FAM110A: variants seen among roughly 807,000 people sequenced by gnomAD.
FAM110A encodes the protein family with sequence similarity 110 member A.
A neutral mutation model predicts 4.0 loss-of-function variants in FAM110A; 1 was observed. The ratio of observed to expected loss-of-function variants is 0.25; its 90% confidence interval spans 0.09 to 1.20. The LOEUF (loss-of-function observed/expected upper bound fraction) is 1.20. FAM110A is among the 50% of genes most tolerant of loss of function. The pLI is 0.50. For missense variants in FAM110A, 436 were observed against 429.2 expected, an observed-to-expected ratio of 1.02 and a Z score of -0.14; for synonymous variants, 217 against 196.8, an observed-to-expected ratio of 1.10 and a Z score of -0.86.
In FAM110A at chr20:845,344, G is replaced by T; in HGVS notation, c.540G>T (p.Arg180=). ...CTGCCGCCGCCTCCAGCCCAGCCCG[G>T]CCGCCGGGTTTGCAACGCTCCAAGT... ...PGPAAASSPA[R]PPGLQRSKSD... The change falls in exon 2 of 2, where the codon CGG becomes CGT. Residue 180 remains arginine, a synonymous_variant. Transcript: ENST00000381941. 6.3e-7 allele frequency: 1 copy of T among 1,591,754 alleles called. No homozygotes were observed. Among genetic ancestry groups the T allele is most frequent in the Non-Finnish European group, 8.6e-7 (1 of 1,169,504 alleles).
rs754603271 is a variant in FAM110A, at chr20:845,126, A to G, written c.322A>G (p.Ser108Gly). The part of the protein sequence containing the change: ...RRPQLDLDIL[S>G]SLIDLCDSPV... Reference sequence around the variant, plus strand: ...GCCCCAGCTGGACCTGGACATCCTCAGCAGCCTCATCGACTTGTGTGACAG... The same window carrying G: ...GCCCCAGCTGGACCTGGACATCCTCGGCAGCCTCATCGACTTGTGTGACAG... The change falls in exon 2 of 2, where the codon AGC becomes GGC. Residue 108 changes from serine (S) to glycine (G), a missense_variant. Ser to Gly is a moderately conservative substitution (Grantham distance 56, BLOSUM62 0). Coordinates refer to ENST00000381941, the MANE Select transcript of FAM110A (RefSeq NM_001042353.3). 1.3e-6 allele frequency: 2 copies of G among 1,586,564 alleles called. No homozygotes were observed. Among genetic ancestry groups the G allele is most frequent in the South Asian group, 2.3e-5 (2 of 88,198 alleles).
At chr20:838,488 G>A (rs1979701453) in intron 1 of FAM110A, among the ~76,000 whole-genome samples, 1 of 151,314 alleles carries the variant, frequency 6.6e-6, no homozygotes, top group African/African-American at 2.4e-5. Flanking sequence ...TCCAGTGGGA[G>A]AGACAGGAAA....
chr20:838,955 T>A (rs1979724470), intron 1 of FAM110A, among the ~76,000 whole-genome samples: 1 of 151,802 alleles, frequency 6.6e-6, no homozygotes, highest in Non-Finnish European at 1.5e-5. Flanking sequence ...ACAGCAGTAA[T>A]GAGACTTTAT....
chr20:839,861 A>C, intron 1 of FAM110A: 1 of 1,605,688 alleles, frequency 6.2e-7, no homozygotes. Context: ...GGTTGGGCAC[A>C]TTCTTGTCTG....
rs1980162879 is a variant in FAM110A at position 844,731 on chromosome 20, A to G, written c.-74A>G. On this transcript the variant is annotated 5_prime_UTR_variant, in exon 2 of 2. Transcript: ENST00000381941. ...AGCAGTGGCCGGTGTCCAGCTGCCT[A>G]CTTTCTGCCCGGATCTCTGGCTCCT... 2.3e-6 allele frequency: 3 copies of G among 1,324,046 alleles called. No homozygotes were observed. Among genetic ancestry groups the G allele is most frequent in the Non-Finnish European group, 1.9e-6 (2 of 1,043,074 alleles). The allele number at this position is 1,324,046 out of a possible 1,614,324, so 82.0% of individuals were successfully genotyped here.
At position 839,966 on chromosome 20, in the gene FAM110A, A is replaced by G; in HGVS notation, c.-97-4742A>G. ...CATGAATGGCAATCCGGTTCTTCTT[A>G]GGCATCAGCATCTTGGCAGCTGTAG... is the stretch of plus-strand genomic sequence containing the variant. On this transcript the variant is annotated intron_variant, in intron 1 of 1. Coordinates refer to ENST00000381941, the MANE Select transcript of FAM110A (RefSeq NM_001042353.3). 8 of 1,458,870 alleles carry G rather than the reference A, an allele frequency of 5.5e-6. No homozygotes were observed. In the South Asian group the frequency reaches 9.3e-5, roughly 17 times the overall value. The allele number at this position is 1,458,870 out of a possible 1,614,324, so 90.4% of individuals were successfully genotyped here.
At chr20:842,133 G>A (rs140784915) in intron 1 of FAM110A, among the ~76,000 whole-genome samples, 1 of 152,352 alleles carries the variant, frequency 6.6e-6, no homozygotes, top group East Asian at 1.9e-4. Flanking sequence ...CTCGTTTCAC[G>A]GATAAGGTAA....
chr20:840,048 T>C lies in FAM110A; in HGVS notation c.-97-4660T>C, dbSNP rs1468241968. On this transcript the variant is annotated intron_variant, in intron 1 of 1. Coordinates refer to ENST00000381941, the MANE Select transcript of FAM110A (RefSeq NM_001042353.3). The surrounding 1 kb of genome is among the most constrained non-coding windows in gnomAD (Gnocchi z 4.4). The stretch of plus-strand genomic sequence containing the variant: ...GTTCTTTTCTTTGCTATTACGAAAA[T>C]CATTATTGTTGCTTTGCTGTTACTA... 3.6e-6 allele frequency: 3 copies of C among 822,872 alleles called. No individual in the cohort carries two copies. The highest frequency in any genetic ancestry group is 3.1e-5 in the South Asian group (2 of 64,250). 51.0% of individuals were successfully genotyped at this position (822,872 alleles called of 1,614,324 possible).
At position 845,491 on chromosome 20, in the gene FAM110A, G is replaced by T; in HGVS notation, c.687G>T (p.Ser229=). ...TGGCCCACCTGGCACGGGCCAGCTC[G>T]GATATCGTGTCCCTGGCAGGGCCCA... is the stretch of plus-strand genomic sequence containing the variant. ...LGVAHLARAS[S]DIVSLAGPSA... Residue 229 remains serine (S), a synonymous_variant, in exon 2 of 2, where the codon TCG becomes TCT. Coordinates refer to ENST00000381941, the MANE Select transcript of FAM110A (RefSeq NM_001042353.3). 1.2e-6 allele frequency: 2 copies of T among 1,612,612 alleles called. No homozygotes were observed. Among genetic ancestry groups the T allele is most frequent in the South Asian group, 1.1e-5 (1 of 90,930 alleles).
In FAM110A at chr20:845,952, C is replaced by G. The variant is rs955112698; in HGVS notation, c.*260C>G. 23 of 620,530 alleles carry G rather than the reference C, an allele frequency of 3.7e-5. No individual in the cohort carries two copies. The highest frequency in any genetic ancestry group is 3.6e-4 in the African/African-American group (19 of 52,562). The allele number at this position is 620,530 out of a possible 1,614,324, so 38.4% of individuals were successfully genotyped here. A position where few individuals can be genotyped will look rare whatever the true frequency, so the allele number is the denominator to read the frequency against. Reference sequence around the variant, plus strand: ...ACAAGGTTTTTGACATGAGTGTACTCCTGCTTAGTTCCTCTTGTGGGGCTG... The same window carrying G: ...ACAAGGTTTTTGACATGAGTGTACTGCTGCTTAGTTCCTCTTGTGGGGCTG... On this transcript the variant is annotated 3_prime_UTR_variant, in exon 2 of 2. Transcript: ENST00000381941.
At chr20:844,029 G>C (rs1445672101) in intron 1 of FAM110A, among the ~76,000 whole-genome samples, 1 of 152,204 alleles carries the variant, frequency 6.6e-6, no homozygotes, top group Non-Finnish European at 1.5e-5. Flanking sequence ...GGCGCGGGTG[G>C]AGATTTTCTT....
At chr20:835,002 C>T (rs1979494657) in intron 1 of FAM110A, among the ~76,000 whole-genome samples, 2 of 151,936 alleles carry the variant, frequency 1.3e-5, no homozygotes, top group South Asian at 2.1e-4. Context: ...TCATCTTCTC[C>T]CACTGTGATG....
chr20:842,548 C>T (rs1310701257), intron 1 of FAM110A, among the ~76,000 whole-genome samples: 1 of 152,146 alleles, frequency 6.6e-6, no homozygotes, highest in African/African-American at 2.4e-5. Context: ...GCGAGGCTTC[C>T]TTTCCCATCC....
chr20:844,555 A>C (rs1009522984), intron 1 of FAM110A, 153 bp from the exon 2 acceptor site: 1 of 191,192 alleles, frequency 5.2e-6, no homozygotes, highest in East Asian at 1.9e-4. Context: ...GAGGCCCCGC[A>C]GCTGCTGCCT....
rs1408326610 is a variant in FAM110A, at chr20:834,231, C to T, written c.-98+280C>T. Among the ~76,000 whole-genome samples, 3 of 152,234 alleles carry T rather than the reference C, an allele frequency of 2.0e-5. No homozygotes were observed. The highest frequency in any genetic ancestry group is 4.4e-5 in the Non-Finnish European group (3 of 68,032). On this transcript the variant is annotated intron_variant, in intron 1 of 1. Transcript: ENST00000381941. This position sits in a 1 kb window ranked among gnomAD's most constrained non-coding sequence, Gnocchi z 5.6. The stretch of plus-strand genomic sequence containing the variant: ...AGTCATTTTCCCAGCGTTTTATCGG[C>T]AGGGACCTGTAGACCCCTGGCTGGA...
At chr20:844,669 G>T (rs1980154286) in intron 1 of FAM110A, 39 bp from the exon 2 acceptor site, 1 of 1,272,346 alleles carries the variant, frequency 7.9e-7, no homozygotes, top group East Asian at 3.0e-5. Flanking sequence ...GTCTGAGCGC[G>T]CTCGGCTTTT....
intron 1 of FAM110A, 33 bp from the exon 2 acceptor site, chr20:844,675 C>CTTT (rs879111452): frequency 1.1e-4 from 129 of 1,124,988 alleles, no homozygotes; most frequent in South Asian, 5.4e-4. Context: ...GCGCGCTCGG[C>CTTT]TTTTTTTTTT....
At chr20:835,164 A>ATC (rs143746608) in intron 1 of FAM110A, among the ~76,000 whole-genome samples, 4,528 of 136,246 alleles carry the variant, frequency 0.033, 82 homozygotes, top group East Asian at 0.057. Flanking sequence ...CAGTCCTCCC[A>ATC]TCTCTCTCTC....
chr20:845,055 C>G lies in FAM110A; in HGVS notation c.251C>G (p.Thr84Arg), dbSNP rs1249651720. 3 of 1,595,018 alleles carry G rather than the reference C, an allele frequency of 1.9e-6. No individual in the cohort carries two copies. Residue 84 changes from threonine to arginine, a missense_variant, in exon 2 of 2, where the codon ACA (threonine) becomes AGA (arginine). Physicochemically the swap from Thr to Arg is moderately conservative, Grantham distance 71. Coordinates refer to ENST00000381941, the MANE Select transcript of FAM110A (RefSeq NM_001042353.3). The part of the protein sequence containing the change: ...QPLFSPETRR[T>R]VLTPSRRALP... ...CTCTTTAGCCCTGAGACTCGCCGCA[C>G]AGTGCTCACGCCCAGCCGCCGAGCC...
Sources: gnomAD v4.1 joint callset for allele counts (sites outside exome capture counted in the v4.1 genomes callset) on GRCh38, gnomAD v4.1.1 for gene constraint, Gnocchi (gnomAD v3.1) non-coding constraint, MANE v1.5 for transcripts, NCBI Gene and HGNC (gene_info 2026-07-23, HGNC 2026-07-21) for gene names.